The following ERC1 variants were observed in gnomAD, a reference collection of about 807,000 sequenced individuals.
ERC1 encodes the protein RAB6 interacting protein 2.
Under a neutral mutation model 132.0 loss-of-function variants are expected in ERC1, and 56 were observed. The ratio of observed to expected loss-of-function variants is 0.42; its 90% CI spans 0.34 to 0.53. The LOEUF is 0.53. Among genes scored for constraint, ERC1 ranks in the 20% least tolerant of loss-of-function variants. The probability of loss-of-function intolerance (pLI) is 0.03; values close to 1 mark genes in which losing one functional copy is unlikely to be tolerated. For synonymous variants in ERC1, 478 were observed against 476.1 expected (o/e 1.00, Z -0.05); for missense variants, 1,202 against 1,349.9 (o/e 0.89, Z 1.72).
intron 3 of ERC1, among the ~76,000 whole-genome samples, chr12:1,095,544 AAG>A (rs1408179675): frequency 6.6e-6 from 1 of 152,024 alleles, no homozygotes; most frequent in Non-Finnish European, 1.5e-5. Flanking sequence ...TAAATGGACT[AAG>A]ACAAAAAAAG....
chr12:1,040,602 G>T (rs149565387), intron 2 of ERC1, among the ~76,000 whole-genome samples: 1 of 151,836 alleles, frequency 6.6e-6, no homozygotes, highest in Non-Finnish European at 1.5e-5. Context: ...CACCGTGCCC[G>T]GCCTAAAAAT....
rs1959194930 is a variant in ERC1 at position 991,271 on chromosome 12, C to CGGCGGCGGTAGTGGCGGT, written c.-199_-198insAGTGGCGGTGGCGGCGGT. On this transcript the variant is annotated 5_prime_UTR_variant, in exon 1 of 19. Coordinates refer to ENST00000360905, the MANE Select transcript of ERC1 (RefSeq NM_178040.4). ...GCGGCGGCGGCGGCGGTAGTGGCGG[C>CGGCGGCGGTAGTGGCGGT]GGCGGCGGTGCCTGGGCGGCAGCAG... The CGGCGGCGGTAGTGGCGGT allele has an allele frequency of 1.2e-5, 2 of 165,508 alleles. No homozygotes were observed. The highest frequency in any genetic ancestry group is 2.5e-5 in the Non-Finnish European group (2 of 80,278). 10.3% of individuals were successfully genotyped at this position (165,508 alleles called of 1,614,324 possible).
At chr12:1,072,111 A>C (rs904448498) in intron 2 of ERC1, among the ~76,000 whole-genome samples, 8 of 151,632 alleles carry the variant, frequency 5.3e-5, no homozygotes, top group Admixed American at 2.6e-4. Flanking sequence ...AAAAAAAAAA[A>C]CAAAAAAGTG....
At chr12:1,365,499 T>A (rs1480142259) in intron 15 of ERC1, among the ~76,000 whole-genome samples, 1 of 152,214 alleles carries the variant, frequency 6.6e-6, no homozygotes. Flanking sequence ...ATTCTTAGCA[T>A]TTGGAATTCA....
At chr12:1,066,836 CAA>C (rs35134824) in intron 2 of ERC1, among the ~76,000 whole-genome samples, 9 of 130,222 alleles carry the variant, frequency 6.9e-5, no homozygotes, top group African/African-American at 8.8e-5. Context: ...GACTCTGTCT[CAA>C]AAAAAAAAAA....
At chr12:1,477,568 G>A (rs1477937093) in intron 18 of ERC1, among the ~76,000 whole-genome samples, 1 of 152,148 alleles carries the variant, frequency 6.6e-6, no homozygotes, top group Non-Finnish European at 1.5e-5. Flanking sequence ...GTGTTTTCAG[G>A]GTCAGATTGG....
At chr12:1,273,256 T>C (rs905582023) in intron 14 of ERC1, among the ~76,000 whole-genome samples, 10 of 152,226 alleles carry the variant, frequency 6.6e-5, no homozygotes, top group Non-Finnish European at 1.2e-4. Flanking sequence ...TTTGTTTAAA[T>C]TTATGACTTT....
chr12:1,215,707 T>C (rs898169477), intron 12 of ERC1, among the ~76,000 whole-genome samples: 2 of 152,148 alleles, frequency 1.3e-5, no homozygotes, highest in Non-Finnish European at 2.9e-5. Flanking sequence ...AGTGCATGTA[T>C]GCTCTTATGC....
intron 2 of ERC1, among the ~76,000 whole-genome samples, chr12:1,052,697 C>T (rs563384849): frequency 5.3e-5 from 8 of 152,208 alleles, no homozygotes; most frequent in East Asian, 1.9e-4. Context: ...CGGACAGGCG[C>T]GGTGGCTCAT....
At chr12:1,032,380 G>C (rs574519284) in intron 2 of ERC1, among the ~76,000 whole-genome samples, 8 of 152,288 alleles carry the variant, frequency 5.3e-5, no homozygotes, top group African/African-American at 1.9e-4. Flanking sequence ...TCTGTTGCCT[G>C]TTTGTCAATT....
chr12:1,424,793 TGATAGATAGATAGATAGATAGATA>T (rs139054161), intron 17 of ERC1, among the ~76,000 whole-genome samples: 10 of 110,092 alleles, frequency 9.1e-5, no homozygotes, highest in Non-Finnish European at 1.8e-4. Flanking sequence ...GAGCTTGAGA[TGATAGATAGATAGATAGATAGATA>T]GATAGATAGA....
At position 1,402,146 on chromosome 12, in the gene ERC1, A is replaced by G. The variant is rs1040971669; in HGVS notation, c.2926-6003A>G. On this transcript the variant is annotated intron_variant, in intron 16 of 18. Transcript: ENST00000360905. ...AAAAGAGAAATTGCAAAATATTTAG[A>G]ACAGGGAAAAACACTTTATATCAAA... Among the ~76,000 whole-genome samples, 11 of 152,250 alleles carry G rather than the reference A, an allele frequency of 7.2e-5. No homozygotes were observed. The East Asian group carries it at 1.9e-3, about 27-fold the overall frequency.
At chr12:1,293,947 G>A (rs2154341769) in intron 15 of ERC1, among the ~76,000 whole-genome samples, 1 of 152,196 alleles carries the variant, frequency 6.6e-6, no homozygotes, top group South Asian at 2.1e-4. Context: ...TGAATGTTAT[G>A]TAGGAAACCC....
intron 15 of ERC1, among the ~76,000 whole-genome samples, chr12:1,323,532 C>G (rs984068864): frequency 6.6e-6 from 1 of 152,282 alleles, no homozygotes; most frequent in East Asian, 1.9e-4. Context: ...ATTTATTACT[C>G]CATGAGTTTT....
chr12:1,342,016 T>C (rs1298301659), intron 15 of ERC1, among the ~76,000 whole-genome samples: 2 of 152,094 alleles, frequency 1.3e-5, no homozygotes, highest in Non-Finnish European at 2.9e-5. Context: ...GGGATGGTTT[T>C]TACCTGTCCA....
chr12:1,328,521 T>G (rs1342822336), intron 15 of ERC1, among the ~76,000 whole-genome samples: 1 of 152,160 alleles, frequency 6.6e-6, no homozygotes, highest in Non-Finnish European at 1.5e-5. Flanking sequence ...CCTTTCAGGA[T>G]AAAATGCAGA....
Position 1,236,820 on chromosome 12 carries a change from G to T in ERC1, c.2403G>T (p.Gln801His). ...TAGCAAATCTGAAGCACAAGGAACAGGTGGAAAAAAAGAAGAGTGCACAAA... is the reference window on the plus strand; with the variant it reads ...TAGCAAATCTGAAGCACAAGGAACATGTGGAAAAAAAGAAGAGTGCACAAA... Reference protein sequence around the residue: ...KKVANLKHKEQVEKKKSAQML... With the variant: ...KKVANLKHKEHVEKKKSAQML... The change falls in exon 13 of 19, where the codon CAG becomes CAT. Residue 801 changes from glutamine to histidine, a missense_variant. Gln to His is a conservative substitution (Grantham distance 24). Transcript: ENST00000360905. 1 of 1,614,008 alleles carries T rather than the reference G, an allele frequency of 6.2e-7. No individual in the cohort carries two copies.
At chr12:1,191,125 C>G (rs546501353) in intron 12 of ERC1, among the ~76,000 whole-genome samples, 14 of 152,086 alleles carry the variant, frequency 9.2e-5, no homozygotes, top group African/African-American at 3.1e-4. Context: ...GGGCTGATTA[C>G]CTGCTCACTT....
At position 1,449,015 on chromosome 12, in the gene ERC1, C is replaced by T. The variant is rs550271591; in HGVS notation, c.3213+4265C>T. Among the ~76,000 whole-genome samples, 5 of 152,334 alleles carry T rather than the reference C, an allele frequency of 3.3e-5. No homozygotes were observed. The South Asian group carries it at 8.3e-4, about 25-fold the overall frequency. ...GCATCAGCGTGACCTGGATGTGAGA[C>T]GTGGAGTTAAAGGAGATCATTCTGG... is the stretch of plus-strand genomic sequence containing the variant. On this transcript the variant is annotated intron_variant, in intron 18 of 18. Transcript: ENST00000360905.
Sources: allele counts gnomAD v4.1 joint callset (sites outside exome capture counted in the v4.1 genomes callset), GRCh38; gene constraint gnomAD v4.1.1; transcripts MANE v1.5; gene names NCBI Gene and HGNC (gene_info 2026-07-23, HGNC 2026-07-21).